The following CHCHD3 variants were observed in gnomAD, a reference collection of about 807,000 sequenced individuals.
The protein encoded by CHCHD3 is coiled-coil-helix-coiled-coil-helix domain containing 3, also known as MICOS complex subunit MIC19.
A neutral mutation model predicts 38.2 loss-of-function variants in CHCHD3; 20 were observed. The observed-to-expected ratio is 0.52, with a 90% CI of 0.37 to 0.76. CHCHD3 has a LOEUF of 0.76. Among genes scored for constraint, CHCHD3 ranks in the 30% least tolerant of loss-of-function variants. The pLI is 0.00. For missense variants in CHCHD3, 245 were observed against 279.2 expected (o/e 0.88, Z 0.87); for synonymous variants, 82 against 100.0 (o/e 0.82, Z 1.07).
At chr7:132,881,740 G>C (rs1427328106) in intron 5 of CHCHD3, among the ~76,000 whole-genome samples, 1 of 152,092 alleles carries the variant, frequency 6.6e-6, no homozygotes, top group East Asian at 1.9e-4. Flanking sequence ...CTTACAATAC[G>C]AATTAATGGA....
chr7:132,806,911 G>GGCAT (rs1806935279), intron 6 of CHCHD3, among the ~76,000 whole-genome samples: 1 of 152,100 alleles, frequency 6.6e-6, no homozygotes, highest in Admixed American at 6.6e-5. Flanking sequence ...CAGAAAGGAG[G>GGCAT]GCATGGTCCT....
rs536821656 is a variant in CHCHD3 at position 132,845,448 on chromosome 7, T to G, written c.454-6979A>C. 1.9e-4 allele frequency among the ~76,000 whole-genome samples: 29 copies of G among 152,320 alleles called. 1 individual carries two copies. Among genetic ancestry groups the G allele is most frequent in the South Asian group, 1.9e-3 (9 of 4,830 alleles). ...AATGTTGCTCACACTGCTTACCTGT[T>G]CTGTTTTTCTGTTCCTTAAGACGGA... On this transcript the variant is annotated intron_variant, in intron 5 of 7. Coordinates refer to ENST00000262570, the MANE Select transcript of CHCHD3 (RefSeq NM_017812.4).
chr7:132,858,401 G>C (rs1450067337), intron 5 of CHCHD3, among the ~76,000 whole-genome samples: 1 of 152,076 alleles, frequency 6.6e-6, no homozygotes, highest in Non-Finnish European at 1.5e-5. Flanking sequence ...CTTCTCTTGA[G>C]CCAACTTTTA....
intron 4 of CHCHD3, among the ~76,000 whole-genome samples, chr7:132,905,294 T>C (rs1809771313): frequency 6.6e-6 from 1 of 152,076 alleles, no homozygotes; most frequent in African/African-American, 2.4e-5. Context: ...TCATGTCCTT[T>C]GCAGGGACAT....
chr7:133,008,298 C>T (rs1264734601), intron 3 of CHCHD3, among the ~76,000 whole-genome samples: 1 of 151,490 alleles, frequency 6.6e-6, no homozygotes, highest in African/African-American at 2.4e-5. Context: ...AGACAGCTGT[C>T]TTTATGCATA....
At chr7:133,071,961 C>G (rs1020500508) in intron 1 of CHCHD3, among the ~76,000 whole-genome samples, 10 of 152,096 alleles carry the variant, frequency 6.6e-5, no homozygotes, top group Admixed American at 4.6e-4. Flanking sequence ...TAACTGTAAA[C>G]AGGCACAAGA....
At chr7:132,955,282 CACA>C (rs750786649) in intron 4 of CHCHD3, among the ~76,000 whole-genome samples, 8 of 151,202 alleles carry the variant, frequency 5.3e-5, no homozygotes, top group Non-Finnish European at 1.0e-4. Context: ...AGAAAAGACC[CACA>C]ACCATGGTCG....
intron 4 of CHCHD3, among the ~76,000 whole-genome samples, chr7:132,934,587 C>T (rs1180473169): frequency 2.0e-5 from 3 of 152,140 alleles, no homozygotes; most frequent in African/African-American, 2.4e-5. Flanking sequence ...AAGAGAGCAG[C>T]GGCCTGTGTA....
intron 6 of CHCHD3, among the ~76,000 whole-genome samples, chr7:132,823,800 G>C (rs748995121): frequency 8.5e-5 from 13 of 152,154 alleles, no homozygotes; most frequent in Non-Finnish European, 1.8e-4. Flanking sequence ...TCATTGCAAT[G>C]ACACAAAGAA....
At chr7:133,007,941 T>C (rs1444494750) in intron 3 of CHCHD3, among the ~76,000 whole-genome samples, 1 of 152,244 alleles carries the variant, frequency 6.6e-6, no homozygotes, top group Non-Finnish European at 1.5e-5. Flanking sequence ...TCATTTAATT[T>C]GCCATTTACA....
intron 4 of CHCHD3, among the ~76,000 whole-genome samples, chr7:132,891,747 G>A (rs937058372): frequency 6.6e-6 from 1 of 152,192 alleles, no homozygotes; most frequent in Non-Finnish European, 1.5e-5. Context: ...ACATGTTGAG[G>A]GATGGACCAG....
intron 4 of CHCHD3, among the ~76,000 whole-genome samples, chr7:132,946,982 T>C (rs1390294247): frequency 6.6e-6 from 1 of 151,974 alleles, no homozygotes; most frequent in Non-Finnish European, 1.5e-5. Context: ...CAAACCACCA[T>C]ACTTTTCTGC....
chr7:133,068,772 A>G (rs1562953478), intron 2 of CHCHD3, among the ~76,000 whole-genome samples: 2 of 152,228 alleles, frequency 1.3e-5, no homozygotes, highest in Admixed American at 6.5e-5. Flanking sequence ...AGGAAAAAAG[A>G]AAACAAGGAT....
At chr7:132,874,872 C>A (rs1480532879) in intron 5 of CHCHD3, among the ~76,000 whole-genome samples, 3 of 152,070 alleles carry the variant, frequency 2.0e-5, no homozygotes, top group African/African-American at 7.2e-5. Context: ...AAACCCTATC[C>A]CAGAGCACCG....
At chr7:132,811,569 G>A (rs1807070364) in intron 6 of CHCHD3, among the ~76,000 whole-genome samples, 1 of 152,070 alleles carries the variant, frequency 6.6e-6, no homozygotes. Context: ...TTCTATCCAT[G>A]CCAAAGTGGC....
At chr7:132,901,932 GT>G (rs1809680761) in intron 4 of CHCHD3, among the ~76,000 whole-genome samples, 1 of 152,062 alleles carries the variant, frequency 6.6e-6, no homozygotes. Context: ...TTCTTCTAGG[GT>G]TTTTTCTTCT....
chr7:132,991,673 T>C (rs1203091244), intron 3 of CHCHD3, among the ~76,000 whole-genome samples: 1 of 152,206 alleles, frequency 6.6e-6, no homozygotes, highest in African/African-American at 2.4e-5. Context: ...ATGAAATCGT[T>C]TGAATGCTTT....
chr7:133,020,244 T>A (rs188749980), intron 3 of CHCHD3, among the ~76,000 whole-genome samples: 1 of 152,064 alleles, frequency 6.6e-6, no homozygotes, highest in Non-Finnish European at 1.5e-5. Flanking sequence ...AAAATGAAAA[T>A]ATATATAGTC....
chr7:133,010,469 T>C (rs565128818), intron 3 of CHCHD3, among the ~76,000 whole-genome samples: 6 of 152,318 alleles, frequency 3.9e-5, no homozygotes, highest in Admixed American at 3.3e-4. Context: ...TTTGGACAAA[T>C]TCTATCCCAT....
Sources: gnomAD v4.1 joint callset for allele counts (sites outside exome capture counted in the v4.1 genomes callset) on GRCh38, gnomAD v4.1.1 for gene constraint, MANE v1.5 for transcripts, NCBI Gene and HGNC (gene_info 2026-07-23, HGNC 2026-07-21) for gene names.